RNLS: variants seen among roughly 807,000 people sequenced by gnomAD.
RNLS encodes the protein renalase.
Under a neutral mutation model 39.8 loss-of-function variants are expected in RNLS, and 39 were observed. The observed-to-expected ratio is 0.98, with a 90% CI of 0.76 to 1.28. RNLS has a LOEUF of 1.28. RNLS is among the 50% of genes most tolerant of loss of function. RNLS has a pLI of 0.00. For synonymous variants in RNLS, 147 were observed against 150.7 expected, an observed-to-expected ratio of 0.98 and a Z score of 0.18; for missense variants, 410 against 413.3, an observed-to-expected ratio of 0.99 and a Z score of 0.07.
At chr10:88,325,147 T>G (rs1403539887) in intron 5 of RNLS, among the ~76,000 whole-genome samples, 1 of 152,178 alleles carries the variant, frequency 6.6e-6, no homozygotes, top group Non-Finnish European at 1.5e-5. Context: ...TTTCACTTCT[T>G]TTGGGTAGAT....
At chr10:88,286,896 A>C (rs960909728) in intron 6 of RNLS, among the ~76,000 whole-genome samples, 1 of 150,884 alleles carries the variant, frequency 6.6e-6, no homozygotes, top group Non-Finnish European at 1.5e-5. Flanking sequence ...AGGCCAAGAG[A>C]TTCTCCTGCC....
At chr10:88,370,674 G>A (rs1034222895) in intron 4 of RNLS, among the ~76,000 whole-genome samples, 11 of 152,248 alleles carry the variant, frequency 7.2e-5, no homozygotes, top group African/African-American at 2.6e-4. Flanking sequence ...CACTTTGTGG[G>A]TACACAAGGA....
intron 6 of RNLS, among the ~76,000 whole-genome samples, chr10:88,295,850 T>TCTATTCTATCTTTTAAAACC (rs1241508609): frequency 6.6e-6 from 1 of 152,190 alleles, no homozygotes; most frequent in African/African-American, 2.4e-5. Context: ...TCTATTTAGA[T>TCTATTCTATCTTTTAAAACC]CTATTCTATC....
chr10:88,430,759 G>A (rs1335814220), intron 4 of RNLS, among the ~76,000 whole-genome samples: 2 of 151,768 alleles, frequency 1.3e-5, no homozygotes, highest in Non-Finnish European at 3.0e-5. Flanking sequence ...GATGATCATA[G>A]ATTTTTCTAG....
the RNLS span, among the ~76,000 whole-genome samples, chr10:88,247,080 A>G: frequency 1.3e-5 from 2 of 152,176 alleles, no homozygotes; most frequent in Non-Finnish European, 2.9e-5. Context: ...AATCTTGGTG[A>G]CTTCAACAAG....
At chr10:88,184,185 T>G in the RNLS span, among the ~76,000 whole-genome samples, 20 of 152,280 alleles carry the variant, frequency 1.3e-4, no homozygotes, top group Non-Finnish European at 4.4e-5. Flanking sequence ...ATTTCTCATT[T>G]CCTAAATATT....
At chr10:88,361,335 A>T (rs1430322290) in intron 5 of RNLS, among the ~76,000 whole-genome samples, 1 of 152,222 alleles carries the variant, frequency 6.6e-6, no homozygotes, top group Non-Finnish European at 1.5e-5. Flanking sequence ...AAATGTCTTT[A>T]TGCTATTAAA....
intron 4 of RNLS, among the ~76,000 whole-genome samples, chr10:88,567,409 A>T (rs778694998): frequency 6.6e-6 from 1 of 152,246 alleles, no homozygotes; most frequent in African/African-American, 2.4e-5. Flanking sequence ...ATGTTAAAGG[A>T]TCTCTCTTGA....
chr10:88,210,143 C>G, the RNLS span, among the ~76,000 whole-genome samples: 109,463 of 152,188 alleles, frequency 0.72, 39,745 homozygotes, highest in Non-Finnish European at 0.78. Context: ...CCTGTCATTA[C>G]TTTATAGCCT....
At chr10:88,214,070 A>G in the RNLS span, among the ~76,000 whole-genome samples, 1 of 152,152 alleles carries the variant, frequency 6.6e-6, no homozygotes, top group Non-Finnish European at 1.5e-5. Flanking sequence ...TTCTGCTATC[A>G]TTGGCTTAAG....
intron 4 of RNLS, among the ~76,000 whole-genome samples, chr10:88,392,257 A>G (rs370709054): frequency 6.6e-6 from 1 of 152,268 alleles, no homozygotes; most frequent in African/African-American, 2.4e-5. Context: ...ATACGTCCAC[A>G]GGATGATTTG....
chr10:88,285,238 A>T lies in RNLS; in HGVS notation c.*116T>A. ...ATACTCCACATGAAAAATGATAATA[A>T]GTGAAGAACAATTTTCCAGTAATTT... On this transcript the variant is annotated 3_prime_UTR_variant, in exon 7 of 7. Transcript: ENST00000331772. 1 of 1,397,884 alleles carries T rather than the reference A, an allele frequency of 7.2e-7. No individual in the cohort carries two copies. Among genetic ancestry groups the T allele is most frequent in the Non-Finnish European group, 9.3e-7 (1 of 1,073,132 alleles). The allele number at this position is 1,397,884 out of a possible 1,614,324, so 86.6% of individuals were successfully genotyped here.
At chr10:88,236,963 A>C in the RNLS span, among the ~76,000 whole-genome samples, 5 of 152,142 alleles carry the variant, frequency 3.3e-5, no homozygotes, top group Admixed American at 6.5e-5. Flanking sequence ...AGACTACTGG[A>C]GTGTGTTTTT....
chr10:88,353,364 C>G (rs1848881938), intron 5 of RNLS, among the ~76,000 whole-genome samples: 1 of 152,032 alleles, frequency 6.6e-6, no homozygotes, highest in Admixed American at 6.6e-5. Flanking sequence ...ATAAATTTCC[C>G]TCTACACACT....
downstream of RNLS, among the ~76,000 whole-genome samples, chr10:88,271,258 C>A (rs1842643874): frequency 6.6e-6 from 1 of 152,166 alleles, no homozygotes; most frequent in African/African-American, 2.4e-5. Context: ...CACTGATGAG[C>A]AAATTCATTT....
chr10:88,240,450 TC>T, the RNLS span, among the ~76,000 whole-genome samples: 3 of 152,152 alleles, frequency 2.0e-5, no homozygotes, highest in Non-Finnish European at 4.4e-5. Context: ...CACTAAATTC[TC>T]TTAAATAGTC....
the RNLS span, among the ~76,000 whole-genome samples, chr10:88,189,007 G>T: frequency 6.6e-6 from 1 of 152,110 alleles, no homozygotes; most frequent in African/African-American, 2.4e-5. Context: ...TCTTAAACTG[G>T]TTCTTTGATC....
chr10:88,309,589 G>C (rs969814413), intron 6 of RNLS: 1 of 581,790 alleles, frequency 1.7e-6, no homozygotes, highest in African/African-American at 1.9e-5. Context: ...GAAAAGGCCT[G>C]AAGGAGCCAA....
At chr10:88,399,344 T>C (rs1442879975) in intron 4 of RNLS, among the ~76,000 whole-genome samples, 4 of 152,176 alleles carry the variant, frequency 2.6e-5, no homozygotes, top group South Asian at 4.1e-4. Context: ...AAAATTTTTA[T>C]AGCAATAATA....
Sources: allele counts gnomAD v4.1 joint callset (sites outside exome capture counted in the v4.1 genomes callset), GRCh38; gene constraint gnomAD v4.1.1; transcripts MANE v1.5; gene names NCBI Gene and HGNC (gene_info 2026-07-23, HGNC 2026-07-21).